The following HECW2 variants were observed in gnomAD, a reference collection of about 807,000 sequenced individuals.
The protein encoded by HECW2 is HECT, C2 and WW domain containing E3 ubiquitin protein ligase 2, also known as E3 ubiquitin-protein ligase HECW2.
Under a neutral mutation model 175.2 loss-of-function variants are expected in HECW2, and 61 were observed. That is an observed-to-expected ratio of 0.35 (90% CI 0.28 to 0.43). The LOEUF is 0.43. Among genes scored for constraint, HECW2 ranks in the 20% least tolerant of loss-of-function variants. HECW2 has a pLI of 1.00. For synonymous variants in HECW2, 671 were observed against 731.0 expected (o/e 0.92, Z 1.32); for missense variants, 1,524 against 2,000.5 (o/e 0.76, Z 4.54).
chr2:196,379,072 C>A, intron 2 of HECW2, among the ~76,000 whole-genome samples: 1 of 139,654 alleles, frequency 7.2e-6, no homozygotes, highest in African/African-American at 3.0e-5. Context: ...AAGACAATAC[C>A]AGTGAGCAAA....
intron 1 of HECW2, among the ~76,000 whole-genome samples, chr2:196,571,207 T>G (rs10189148): frequency 0.041 from 6,218 of 152,294 alleles, 412 homozygotes; most frequent in African/African-American, 0.14. Flanking sequence ...ACATTTAATT[T>G]TGTAATGTAC....
intron 1 of HECW2, among the ~76,000 whole-genome samples, chr2:196,466,130 T>C (rs1319488116): frequency 6.6e-6 from 1 of 152,198 alleles, no homozygotes; most frequent in Non-Finnish European, 1.5e-5. Flanking sequence ...TGATCAAGTA[T>C]AAATGACTCT....
intron 1 of HECW2, among the ~76,000 whole-genome samples, chr2:196,467,963 G>A (rs924317173): frequency 6.6e-6 from 1 of 152,108 alleles, no homozygotes; most frequent in Non-Finnish European, 1.5e-5. Context: ...TAATCATACT[G>A]GCAATACAAA....
At chr2:196,233,905 A>G (rs1325232971) in intron 21 of HECW2, among the ~76,000 whole-genome samples, 1 of 152,214 alleles carries the variant, frequency 6.6e-6, no homozygotes, top group Non-Finnish European at 1.5e-5. Flanking sequence ...CAGAGACTGA[A>G]GAAAACTCCT....
chr2:196,584,094 C>A (rs866382882), intron 1 of HECW2, among the ~76,000 whole-genome samples: 1 of 152,136 alleles, frequency 6.6e-6, no homozygotes, highest in African/African-American at 2.4e-5. Flanking sequence ...CCAGGAATGG[C>A]ATATTCTTCA....
chr2:196,425,583 A>G (rs189338725), intron 2 of HECW2, among the ~76,000 whole-genome samples: 66 of 152,298 alleles, frequency 4.3e-4, no homozygotes, highest in Non-Finnish European at 7.2e-4. Context: ...TCAAGACTTC[A>G]GTGATGGAAG....
At chr2:196,247,402 C>A (rs139576496) in intron 19 of HECW2, among the ~76,000 whole-genome samples, 2 of 152,024 alleles carry the variant, frequency 1.3e-5, no homozygotes, top group Non-Finnish European at 2.9e-5. Context: ...TGGAAGATTG[C>A]GCTAATAAAA....
chr2:196,472,460 C>G (rs2125353721), intron 1 of HECW2, among the ~76,000 whole-genome samples: 1 of 138,830 alleles, frequency 7.2e-6, no homozygotes, highest in Admixed American at 7.5e-5. Context: ...TGCACTCCAG[C>G]CTGGGTGACA....
At chr2:196,469,328 G>C (rs1197587941) in intron 1 of HECW2, among the ~76,000 whole-genome samples, 2 of 152,176 alleles carry the variant, frequency 1.3e-5, no homozygotes, top group East Asian at 3.9e-4. Context: ...TTTAATAAGA[G>C]TGTTATATAT....
At chr2:196,495,256 T>C (rs748963947) in intron 1 of HECW2, among the ~76,000 whole-genome samples, 2 of 151,840 alleles carry the variant, frequency 1.3e-5, no homozygotes, top group African/African-American at 2.4e-5. Context: ...TTAGTAGAGA[T>C]GGGGTTTCAC....
intron 1 of HECW2, among the ~76,000 whole-genome samples, chr2:196,513,916 A>T (rs1269249531): frequency 6.6e-6 from 1 of 152,222 alleles, no homozygotes; most frequent in Non-Finnish European, 1.5e-5. Context: ...GCAGCAGCCC[A>T]TCTGGTGCAG....
chr2:196,230,024 T>A (rs1559450514), intron 21 of HECW2, among the ~76,000 whole-genome samples: 1 of 152,184 alleles, frequency 6.6e-6, no homozygotes, highest in Non-Finnish European at 1.5e-5. Flanking sequence ...ACAGGGAACC[T>A]ATATGTAAAG....
intron 1 of HECW2, among the ~76,000 whole-genome samples, chr2:196,476,530 A>G (rs1257799100): frequency 6.6e-6 from 1 of 152,180 alleles, no homozygotes; most frequent in Non-Finnish European, 1.5e-5. Context: ...AGTGCTTAAA[A>G]CAGTGCCCAG....
intron 19 of HECW2, among the ~76,000 whole-genome samples, chr2:196,249,187 C>T (rs1326683820): frequency 6.6e-6 from 1 of 152,164 alleles, no homozygotes; most frequent in African/African-American, 2.4e-5. Flanking sequence ...GGTGTTATTG[C>T]ATTTAATTTC....
chr2:196,325,397 T>C (rs937093034), intron 5 of HECW2, among the ~76,000 whole-genome samples: 9 of 152,190 alleles, frequency 5.9e-5, no homozygotes, highest in African/African-American at 1.4e-4. Context: ...AAATGGGTTA[T>C]GGTAGTAATT....
At chr2:196,586,289 C>T (rs1345445955) in intron 1 of HECW2, among the ~76,000 whole-genome samples, 3 of 152,208 alleles carry the variant, frequency 2.0e-5, no homozygotes, top group African/African-American at 7.2e-5. Context: ...GTCCTTGCCA[C>T]AGTTCACCAC....
chr2:196,571,509 G>T (rs1372039658), intron 1 of HECW2, among the ~76,000 whole-genome samples: 1 of 152,104 alleles, frequency 6.6e-6, no homozygotes, highest in Non-Finnish European at 1.5e-5. Context: ...AGGAGTTTGA[G>T]ACCAGCCTGG....
At chr2:196,467,326 C>T (rs939943800) in intron 1 of HECW2, among the ~76,000 whole-genome samples, 3 of 152,020 alleles carry the variant, frequency 2.0e-5, no homozygotes, top group African/African-American at 7.3e-5. Flanking sequence ...GTATTATTAG[C>T]CTCTACAGAA....
At chr2:196,429,668 G>T (rs1018527217) in intron 2 of HECW2, among the ~76,000 whole-genome samples, 1 of 152,196 alleles carries the variant, frequency 6.6e-6, no homozygotes, top group Non-Finnish European at 1.5e-5. Context: ...AACTTATGAG[G>T]TGACTCTATG....
Sources: allele counts gnomAD v4.1 joint callset (sites outside exome capture counted in the v4.1 genomes callset), GRCh38; gene constraint gnomAD v4.1.1; transcripts MANE v1.5; gene names NCBI Gene and HGNC (gene_info 2026-07-23, HGNC 2026-07-21).